Variants in ST3GAL6 observed in about 807,000 individuals in gnomAD.
The protein encoded by ST3GAL6 is type 2 lactosamine alpha-2,3-sialyltransferase.
In ST3GAL6, 31 loss-of-function variants were observed where a neutral mutation model predicts 40.5. The observed-to-expected ratio is 0.77, with a 90% CI of 0.58 to 1.03. The LOEUF (loss-of-function observed/expected upper bound fraction) is 1.03. Among genes scored for constraint, ST3GAL6 ranks in the 50% least tolerant of loss-of-function variants. The probability of loss-of-function intolerance (pLI) is 0.00; values close to 1 mark genes in which losing one functional copy is unlikely to be tolerated. For missense variants in ST3GAL6, 357 were observed against 393.2 expected (o/e 0.91, Z 0.78); for synonymous variants, 129 against 136.9 (o/e 0.94, Z 0.40).
chr3:98,793,761 ACT>A lies in ST3GAL6; in HGVS notation c.*3_*4del. 1.3e-6 allele frequency: 2 copies of A among 1,569,290 alleles called. No individual in the cohort carries two copies. Among genetic ancestry groups the A allele is most frequent in the Non-Finnish European group, 1.7e-6 (2 of 1,154,418 alleles). On this transcript the variant is annotated 3_prime_UTR_variant, in exon 10 of 10. Coordinates refer to ENST00000483910, the MANE Select transcript of ST3GAL6 (RefSeq NM_001323368.2). ...TCGTAATCAACTTGACTCAAGATTGACTCTACAGACTCAGAAGATGATGCTAA... is the reference window on the plus strand; with the variant it reads ...TCGTAATCAACTTGACTCAAGATTGACTACAGACTCAGAAGATGATGCTAA...
At chr3:98,744,987 A>G (rs1936428216) in intron 1 of ST3GAL6, among the ~76,000 whole-genome samples, 1 of 152,074 alleles carries the variant, frequency 6.6e-6, no homozygotes, top group South Asian at 2.1e-4. Context: ...TACTCATTGA[A>G]AGATCGTCTT....
chr3:98,745,751 G>C (rs1409215991), intron 1 of ST3GAL6, among the ~76,000 whole-genome samples: 3 of 152,304 alleles, frequency 2.0e-5, no homozygotes, highest in African/African-American at 7.2e-5. Context: ...ATACTGGGAA[G>C]TATTTTGCCC....
At chr3:98,785,898 G>A (rs1000133714) in intron 6 of ST3GAL6, among the ~76,000 whole-genome samples, 2 of 152,136 alleles carry the variant, frequency 1.3e-5, no homozygotes, top group African/African-American at 4.8e-5. Context: ...ACTGACTGAA[G>A]ATGTGTTTTA....
chr3:98,750,166 T>C lies in ST3GAL6; in HGVS notation c.-12+17634T>C, dbSNP rs75812504. 5.6e-3 allele frequency among the ~76,000 whole-genome samples: 855 copies of C among 152,346 alleles called. 22 individuals are homozygous for C. The highest frequency in any genetic ancestry group is 0.041 in the East Asian group (211 of 5,190). ...GTAGTATACTGAAATCACAAATTCA[T>C]TCATTCTTTTCTTCATCAGAGCACA... is the stretch of plus-strand genomic sequence containing the variant. On this transcript the variant is annotated intron_variant, in intron 1 of 9. Transcript: ENST00000265261.
chr3:98,775,826 A>C (rs1453668371), intron 5 of ST3GAL6, among the ~76,000 whole-genome samples: 2 of 152,076 alleles, frequency 1.3e-5, no homozygotes, highest in Non-Finnish European at 2.9e-5. Context: ...CTTTCTTGGG[A>C]GAGAAGTAGA....
chr3:98,751,873 T>C (rs1244229186), intron 1 of ST3GAL6, among the ~76,000 whole-genome samples: 1 of 152,252 alleles, frequency 6.6e-6, no homozygotes. Flanking sequence ...AAACTTTCTT[T>C]GGTAAAATCT....
chr3:98,748,466 GTATT>G (rs1479254766), intron 1 of ST3GAL6, among the ~76,000 whole-genome samples: 1 of 152,068 alleles, frequency 6.6e-6, no homozygotes, highest in Non-Finnish European at 1.5e-5. Context: ...TTTCTTATTT[GTATT>G]TATTTATTTT....
chr3:98,745,739 T>C (rs1423485112), intron 1 of ST3GAL6, among the ~76,000 whole-genome samples: 3 of 152,236 alleles, frequency 2.0e-5, no homozygotes, highest in Non-Finnish European at 4.4e-5. Flanking sequence ...CTCCTGTTGT[T>C]TATACTGGGA....
intron 3 of ST3GAL6, among the ~76,000 whole-genome samples, chr3:98,771,652 C>T (rs1289441072): frequency 6.6e-6 from 1 of 152,176 alleles, no homozygotes; most frequent in African/African-American, 2.4e-5. Context: ...TATTACTGCA[C>T]CTTGTTATTA....
intron 2 of ST3GAL6, chr3:98,770,632 C>G (rs1938874230): frequency 2.4e-6 from 1 of 418,412 alleles, no homozygotes; most frequent in Non-Finnish European, 4.3e-6. Flanking sequence ...AATCATTGCT[C>G]TTGGAATCAC....
At chr3:98,771,266 G>T in intron 3 of ST3GAL6, 1 of 790,006 alleles carries the variant, frequency 1.3e-6, no homozygotes, top group East Asian at 6.0e-5. Flanking sequence ...TTTCCCCCTT[G>T]TTGCTCTCAT....
chr3:98,784,871 A>G (rs1940536282), intron 5 of ST3GAL6, 74 bp from the exon 6 acceptor site: 1 of 1,224,384 alleles, frequency 8.2e-7, no homozygotes, highest in African/African-American at 1.5e-5. Context: ...TGGGTTTCTG[A>G]CAGTATGCAT....
In ST3GAL6 at chr3:98,742,801, G is replaced by A. The variant is rs563732986; in HGVS notation, c.-12+10269G>A. ...GCAACCTCCGCCTCCTGGGTTAAGC[G>A]ATTCTCCTGCCTCAGCCTTCCAAGT... On this transcript the variant is annotated intron_variant, in intron 1 of 9. Transcript: ENST00000265261. 2.3e-4 allele frequency among the ~76,000 whole-genome samples: 35 copies of A among 151,004 alleles called. No individual in the cohort carries two copies. In the South Asian group the frequency reaches 5.9e-3, roughly 25 times the overall value.
Position 98,793,699 on chromosome 3 carries a change from G to A in ST3GAL6, c.934G>A (p.Glu312Lys), listed in dbSNP as rs768670142. The change falls in exon 10 of 10, where the codon GAG (glutamate) becomes AAG (lysine). Residue 312 changes from glutamate (E) to lysine (K), a missense_variant. Glu to Lys is a moderately conservative substitution (Grantham distance 56). Transcript: ENST00000483910. ...GAACGCGTATCACAATGTGACTGCA[G>A]AGCAGCTCTTTTTGAAGGACATTAT... is the stretch of plus-strand genomic sequence containing the variant. ...NKNAYHNVTAEQLFLKDIIEK... is the reference protein window; with the variant it reads ...NKNAYHNVTAKQLFLKDIIEK... 2.5e-6 allele frequency: 4 copies of A among 1,596,994 alleles called. No individual in the cohort carries two copies. Among genetic ancestry groups the A allele is most frequent in the Non-Finnish European group, 3.4e-6 (4 of 1,173,128 alleles).
At chr3:98,769,756 A>G (rs1309394038) in intron 2 of ST3GAL6, among the ~76,000 whole-genome samples, 1 of 152,254 alleles carries the variant, frequency 6.6e-6, no homozygotes, top group East Asian at 1.9e-4. Flanking sequence ...TTTAAGACAT[A>G]TAATTGTGTT....
intron 1 of ST3GAL6, chr3:98,733,284 T>A: frequency 7.1e-6 from 7 of 984,814 alleles, no homozygotes; most frequent in Non-Finnish European, 8.4e-6. Flanking sequence ...GGAGCCCCAG[T>A]GAAGGGCGGG....
At chr3:98,750,678 T>C (rs1936942028) in intron 1 of ST3GAL6, among the ~76,000 whole-genome samples, 8 of 152,130 alleles carry the variant, frequency 5.3e-5, no homozygotes, top group Admixed American at 5.2e-4. Flanking sequence ...GTGATGCCAA[T>C]GGCTATTAAA....
At chr3:98,761,119 T>C (rs1329712040), upstream of ST3GAL6, among the ~76,000 whole-genome samples, 1 of 152,190 alleles carries the variant, frequency 6.6e-6, no homozygotes, top group African/African-American at 2.4e-5. Context: ...TGACAATGTT[T>C]AGAATCATGA....
At chr3:98,766,350 A>T (rs1938320352) in intron 1 of ST3GAL6, among the ~76,000 whole-genome samples, 1 of 149,352 alleles carries the variant, frequency 6.7e-6, no homozygotes, top group African/African-American at 2.5e-5. Context: ...ACATTAAAAA[A>T]TTTTGCTGAT....
Sources: allele counts gnomAD v4.1 joint callset (sites outside exome capture counted in the v4.1 genomes callset), GRCh38; gene constraint gnomAD v4.1.1; transcripts MANE v1.5; gene names NCBI Gene and HGNC (gene_info 2026-07-23, HGNC 2026-07-21).